The following EPHA5 variants were observed in gnomAD, a reference collection of about 807,000 sequenced individuals.
The protein encoded by EPHA5 is EPH receptor A5.
EPHA5 carries 60 observed loss-of-function variants against 105.0 expected under a neutral mutation model. That is an observed-to-expected ratio of 0.57 (90% CI 0.46 to 0.71). The LOEUF is 0.71. Among genes scored for constraint, EPHA5 ranks in the 30% least tolerant of loss-of-function variants. EPHA5 has a pLI of 0.00. For synonymous variants in EPHA5, 513 were observed against 449.1 expected (o/e 1.14, Z -1.80); for missense variants, 1,218 against 1,274.7 (o/e 0.96, Z 0.68).
intron 5 of EPHA5, among the ~76,000 whole-genome samples, chr4:65,486,862 T>C (rs1383285712): frequency 6.6e-6 from 1 of 152,212 alleles, no homozygotes; most frequent in Non-Finnish European, 1.5e-5. Context: ...TAATTCCCAA[T>C]GTTGGAAGTG....
At chr4:65,603,058 G>A (rs577006515) in intron 2 of EPHA5, among the ~76,000 whole-genome samples, 8 of 152,060 alleles carry the variant, frequency 5.3e-5, no homozygotes, top group Admixed American at 6.6e-5. Context: ...AACTTCTTGC[G>A]ATATGTTGGG....
At chr4:65,409,894 T>C (rs1722755170) in intron 7 of EPHA5, among the ~76,000 whole-genome samples, 1 of 152,064 alleles carries the variant, frequency 6.6e-6, no homozygotes, top group Admixed American at 6.6e-5. Flanking sequence ...AATAAGTAAA[T>C]AAATAATGAC....
intron 3 of EPHA5, among the ~76,000 whole-genome samples, chr4:65,522,316 G>GTATATATACA (rs1734826917): frequency 7.0e-6 from 1 of 142,860 alleles, no homozygotes; most frequent in African/African-American, 2.7e-5. Flanking sequence ...ATATATATAT[G>GTATATATACA]TATATATATA....
chr4:65,638,330 G>A (rs1404429444), intron 2 of EPHA5, among the ~76,000 whole-genome samples: 1 of 152,010 alleles, frequency 6.6e-6, no homozygotes, highest in Non-Finnish European at 1.5e-5. Context: ...TTTAAATCAG[G>A]AATTCTATTT....
chr4:65,420,692 G>T, intron 5 of EPHA5, 127 bp from the exon 6 acceptor site: 2 of 854,624 alleles, frequency 2.3e-6, no homozygotes, highest in South Asian at 2.4e-5. Flanking sequence ...TTAAATTTTA[G>T]TTTTTCTATA....
At position 65,322,283 on chromosome 4, in the gene EPHA5, G is replaced by T; in HGVS notation, c.*1831C>A. On this transcript the variant is annotated 3_prime_UTR_variant, in exon 17 of 17. Transcript: ENST00000613740. Reference sequence around the variant, plus strand: ...ACTTTACTGCTTAAGTAAAGGGTGGGCAGAATAGGAAGTAGTTATTTCCCA... The same window carrying T: ...ACTTTACTGCTTAAGTAAAGGGTGGTCAGAATAGGAAGTAGTTATTTCCCA... 1 of 223,386 alleles carries T rather than the reference G, an allele frequency of 4.5e-6. No individual in the cohort carries two copies. Among genetic ancestry groups the T allele is most frequent in the Non-Finnish European group, 8.9e-6 (1 of 111,768 alleles). 13.8% of individuals were successfully genotyped at this position (223,386 alleles called of 1,614,324 possible). A position where few individuals can be genotyped will look rare whatever the true frequency, so the allele number is the denominator to read the frequency against.
At chr4:65,500,731 AATATTAAT>A (rs553046342) in intron 3 of EPHA5, among the ~76,000 whole-genome samples, 21 of 150,742 alleles carry the variant, frequency 1.4e-4, no homozygotes, top group South Asian at 4.1e-4. Context: ...ATGTTTTAAA[AATATTAAT>A]ATATATAATA....
intron 7 of EPHA5, among the ~76,000 whole-genome samples, chr4:65,408,622 A>C (rs1329398655): frequency 6.6e-6 from 1 of 152,154 alleles, no homozygotes; most frequent in African/African-American, 2.4e-5. Flanking sequence ...GAGAAATGCA[A>C]ATCAAAACCA....
At chr4:65,335,419 A>G (rs1721079357) in intron 15 of EPHA5, among the ~76,000 whole-genome samples, 2 of 152,068 alleles carry the variant, frequency 1.3e-5, no homozygotes, top group African/African-American at 4.8e-5. Context: ...CATTCAAACT[A>G]CATGCTAAAT....
intron 3 of EPHA5, among the ~76,000 whole-genome samples, chr4:65,569,601 T>C (rs895453628): frequency 6.6e-6 from 1 of 151,758 alleles, no homozygotes; most frequent in African/African-American, 2.4e-5. Flanking sequence ...ATTAAAGATA[T>C]ACATTATGCT....
chr4:65,426,704 A>C (rs1724472951), intron 5 of EPHA5, among the ~76,000 whole-genome samples: 1 of 152,170 alleles, frequency 6.6e-6, no homozygotes, highest in Non-Finnish European at 1.5e-5. Context: ...AAGTCGAATC[A>C]ATTATTGCAT....
intron 11 of EPHA5, among the ~76,000 whole-genome samples, chr4:65,354,235 C>G (rs552146319): frequency 9.2e-5 from 14 of 151,878 alleles, no homozygotes; most frequent in African/African-American, 4.8e-5. Context: ...TACATTTGAT[C>G]AACTTTGTGT....
At chr4:65,556,587 T>A (rs1358926907) in intron 3 of EPHA5, among the ~76,000 whole-genome samples, 2 of 152,208 alleles carry the variant, frequency 1.3e-5, no homozygotes, top group South Asian at 4.1e-4. Flanking sequence ...TTCACAGTGA[T>A]CCAAGTCACA....
At position 65,374,237 on chromosome 4, in the gene EPHA5, T is replaced by C. The variant is rs1436994434; in HGVS notation, c.1794-6813A>G. Among the ~76,000 whole-genome samples the C allele has an allele frequency of 2.0e-5, 3 of 151,880 alleles. No individual in the cohort carries two copies. In the Admixed American group the frequency reaches 2.0e-4, roughly 10 times the overall value. On this transcript the variant is annotated intron_variant, in intron 8 of 16. Coordinates refer to ENST00000613740, the MANE Select transcript of EPHA5 (RefSeq NM_001281766.3). ...GGATATGGTGCTTAAACTTTAGGCG[T>C]CTGAGTTTCATTCAGAAATAGTACA...
At chr4:65,604,033 G>T (rs546783017) in intron 2 of EPHA5, among the ~76,000 whole-genome samples, 357 of 5,806 alleles carry the variant, frequency 0.061, 1 homozygote, top group African/African-American at 0.093. Context: ...TATATTTTTT[G>T]AATTAGTCAA....
chr4:65,458,317 T>G (rs1727807184), intron 5 of EPHA5, among the ~76,000 whole-genome samples: 1 of 152,104 alleles, frequency 6.6e-6, no homozygotes, highest in Non-Finnish European at 1.5e-5. Context: ...CTCCAAAATC[T>G]TATATCAATT....
Position 65,335,993 on chromosome 4 carries a change from T to G in EPHA5, c.2728A>C (p.Met910Leu). The G allele has an allele frequency of 6.2e-7, 1 of 1,613,310 alleles. No individual in the cohort carries two copies. The highest frequency in any genetic ancestry group is 8.5e-7 in the Non-Finnish European group (1 of 1,179,580). ...GGGTTACGTATCAGCTTGTCCAACA[T>G]GTTGACTATTTCATCAAACTTGGGC... ...SRPKFDEIVN[M>L]LDKLIRNPSS... The change falls in exon 15 of 17, where the codon ATG becomes CTG. Residue 910 changes from methionine to leucine, a missense_variant. By Grantham distance (15) the Met-to-Leu change is conservative (BLOSUM62 2). Around this residue, in one of 3 missense-constraint regions of EPHA5, gnomAD observed 971 missense variants for 1,013.5 expected, o/e 0.96. Transcript: ENST00000613740.
At chr4:65,536,763 T>A (rs6843411) in intron 3 of EPHA5, among the ~76,000 whole-genome samples, 74,187 of 148,824 alleles carry the variant, frequency 0.5, 18,458 homozygotes, top group Non-Finnish European at 0.52. Flanking sequence ...AAAAAAAAAA[T>A]TCACTGTTCC....
At chr4:65,646,744 G>A (rs953786277) in intron 1 of EPHA5, among the ~76,000 whole-genome samples, 25 of 152,130 alleles carry the variant, frequency 1.6e-4, no homozygotes, top group African/African-American at 6.0e-4. Context: ...ACAGAAGTTA[G>A]CATATTTGGG....
Sources: allele counts gnomAD v4.1 joint callset (sites outside exome capture counted in the v4.1 genomes callset), GRCh38; gene constraint gnomAD v4.1.1; regional missense constraint gnomAD v4.1.1; transcripts MANE v1.5; gene names NCBI Gene and HGNC (gene_info 2026-07-23, HGNC 2026-07-21).